RAB43: variants seen among roughly 807,000 people sequenced by gnomAD.
The protein encoded by RAB43 is ras-related protein Rab-43.
RAB43 carries 6 observed loss-of-function variants against 18.8 expected under a neutral mutation model. That is an observed-to-expected ratio of 0.32 (90% CI 0.17 to 0.63). The LOEUF is 0.63. Among genes scored for constraint, RAB43 ranks in the 30% least tolerant of loss-of-function variants. RAB43 has a pLI of 0.79. For missense variants in RAB43, 195 were observed against 289.1 expected (o/e 0.67, Z 2.36); for synonymous variants, 103 against 124.1 (o/e 0.83, Z 1.13).
At chr3:129,093,043 G>A (rs1356165502) in intron 2 of RAB43, among the ~76,000 whole-genome samples, 1 of 151,392 alleles carries the variant, frequency 6.6e-6, no homozygotes, top group South Asian at 2.1e-4. Flanking sequence ...TAGGCTGGAG[G>A]ACAGTGGCAC....
intron 1 of RAB43, among the ~76,000 whole-genome samples, chr3:129,105,717 T>C (rs1226802882): frequency 6.6e-6 from 1 of 150,742 alleles, no homozygotes; most frequent in Admixed American, 6.6e-5. Context: ...GAGGTGGAGG[T>C]TGCAGTGAGC....
chr3:129,101,316 A>G (rs1199720233), intron 1 of RAB43, among the ~76,000 whole-genome samples: 3 of 152,230 alleles, frequency 2.0e-5, no homozygotes, highest in Non-Finnish European at 4.4e-5. Context: ...AAAACATACT[A>G]GGCTGTGTAC....
At chr3:129,119,576 A>T (rs913270456) in intron 1 of RAB43, among the ~76,000 whole-genome samples, 15 of 152,272 alleles carry the variant, frequency 9.9e-5, no homozygotes, top group South Asian at 6.2e-4. Flanking sequence ...ACAGCCTCTC[A>T]AGAAGGTCAG....
intron 1 of RAB43, among the ~76,000 whole-genome samples, chr3:129,103,456 T>C (rs1934560884): frequency 6.6e-6 from 1 of 152,194 alleles, no homozygotes; most frequent in Non-Finnish European, 1.5e-5. Flanking sequence ...CTGCTGGCCA[T>C]TCCTGGAGTA....
intron 2 of RAB43, among the ~76,000 whole-genome samples, chr3:129,094,312 A>G (rs1933875364): frequency 6.6e-6 from 1 of 152,104 alleles, no homozygotes; most frequent in East Asian, 1.9e-4. Flanking sequence ...GCAAACTCAA[A>G]GCCTACATGT....
chr3:129,113,810 C>T (rs1007462193), intron 1 of RAB43, among the ~76,000 whole-genome samples: 1 of 152,090 alleles, frequency 6.6e-6, no homozygotes, highest in Non-Finnish European at 1.5e-5. Context: ...AGGCAGATCA[C>T]GAGGTCAAGG....
Position 129,089,470 on chromosome 3 carries a change from A to C in RAB43, c.*1626T>G. 1 of 56,966 alleles carries C rather than the reference A, an allele frequency of 1.8e-5. No homozygotes were observed. Among genetic ancestry groups the C allele is most frequent in the Non-Finnish European group, 3.4e-5 (1 of 29,000 alleles). 3.5% of individuals were successfully genotyped at this position (56,966 alleles called of 1,614,324 possible). ...GCGCCCCCCAATCTGATGCACCCAG[A>C]CTCCCCTCAATGCAGGTGCTAGCCC... is the stretch of plus-strand genomic sequence containing the variant. On this transcript the variant is annotated 3_prime_UTR_variant, in exon 3 of 3. Coordinates refer to ENST00000315150, the MANE Select transcript of RAB43 (RefSeq NM_198490.3).
chr3:129,118,466 C>T (rs978278168), intron 1 of RAB43, among the ~76,000 whole-genome samples: 2 of 152,100 alleles, frequency 1.3e-5, no homozygotes, highest in African/African-American at 4.8e-5. Context: ...CTAGTTAAAG[C>T]CCTTCTGACC....
rs1933967840 is a variant in RAB43 at position 129,095,298 on chromosome 3, A to T, written c.205-129T>A. 2 of 1,309,046 alleles carry T rather than the reference A, an allele frequency of 1.5e-6. No individual in the cohort carries two copies. The highest frequency in any genetic ancestry group is 3.0e-5 in the African/African-American group (2 of 67,130). 81.1% of individuals were successfully genotyped at this position (1,309,046 alleles called of 1,614,324 possible). A position where few individuals can be genotyped will look rare whatever the true frequency, so the allele number is the denominator to read the frequency against. The stretch of plus-strand genomic sequence containing the variant: ...CTAGGAGGCCTTCTGAGTCCTTAGA[A>T]AGCAACTCAATGGCTCAACCTTGTT... On this transcript the variant is annotated intron_variant, in intron 1 of 2. Coordinates refer to ENST00000315150, the MANE Select transcript of RAB43 (RefSeq NM_198490.3). This position sits in a 1 kb window ranked among gnomAD's most constrained non-coding sequence, Gnocchi z 4.2.
chr3:129,103,588 G>A (rs1483073211), intron 1 of RAB43, among the ~76,000 whole-genome samples: 1 of 148,422 alleles, frequency 6.7e-6, no homozygotes, highest in Non-Finnish European at 1.5e-5. Flanking sequence ...TTTTTTAGAT[G>A]AAGTCTCACT....
intron 1 of RAB43, among the ~76,000 whole-genome samples, chr3:129,113,506 ACT>A (rs1364362369): frequency 1.3e-5 from 2 of 151,822 alleles, no homozygotes; most frequent in African/African-American, 4.8e-5. Context: ...CTCTAGCCAC[ACT>A]CTGTTTTTGG....
At chr3:129,112,115 G>A (rs368899383) in intron 1 of RAB43, among the ~76,000 whole-genome samples, 1 of 151,972 alleles carries the variant, frequency 6.6e-6, no homozygotes. Flanking sequence ...TTAGCCGGGC[G>A]TGGTGGCGCA....
In RAB43 at chr3:129,107,570, G is replaced by A. The variant is rs982756370; in HGVS notation, c.205-12401C>T. Among the ~76,000 whole-genome samples, 2 of 152,144 alleles carry A rather than the reference G, an allele frequency of 1.3e-5. No homozygotes were observed. The highest frequency in any genetic ancestry group is 6.6e-5 in the Admixed American group (1 of 15,260). ...CGTGCAGGAGCTCGCGGTGGGCACC[G>A]CTCAGCTGGGGGGCCCATCAGGAAG... On this transcript the variant is annotated intron_variant, in intron 1 of 2. Transcript: ENST00000315150. The surrounding 1 kb of genome is among the most constrained non-coding windows in gnomAD (Gnocchi z 4.2).
At chr3:129,096,637 A>C (rs79121477) in intron 1 of RAB43, among the ~76,000 whole-genome samples, 1,582 of 152,362 alleles carry the variant, frequency 0.01, 33 homozygotes, top group African/African-American at 0.036. Context: ...AGAAATAGGG[A>C]AAGATTCATG....
chr3:129,088,014 AAAGG>A lies in RAB43; in HGVS notation c.*3078_*3081del, dbSNP rs1470524267. 6.6e-6 allele frequency: 1 copy of A among 151,482 alleles called. No homozygotes were observed. The highest frequency in any genetic ancestry group is 2.4e-5 in the African/African-American group (1 of 41,150). 9.4% of individuals were successfully genotyped at this position (151,482 alleles called of 1,614,324 possible). A position where few individuals can be genotyped will look rare whatever the true frequency, so the allele number is the denominator to read the frequency against. On this transcript the variant is annotated 3_prime_UTR_variant, in exon 3 of 3. Coordinates refer to ENST00000315150, the MANE Select transcript of RAB43 (RefSeq NM_198490.3). ...TCCCACTCTTTGGCAATTTATCAAC[AAAGG>A]AAGAGATGACACTGTTCTCCTTCCG...
intron 1 of RAB43, among the ~76,000 whole-genome samples, chr3:129,104,517 T>C (rs1043207836): frequency 6.6e-6 from 1 of 152,030 alleles, no homozygotes; most frequent in African/African-American, 2.4e-5. Context: ...GCTCCCAGAG[T>C]GTGTATGCTC....
At chr3:129,096,083 C>T (rs1396318807) in intron 1 of RAB43, among the ~76,000 whole-genome samples, 6 of 152,262 alleles carry the variant, frequency 3.9e-5, no homozygotes, top group Non-Finnish European at 4.4e-5. Flanking sequence ...TGACACCCAG[C>T]TTGTGGCGTG....
intron 1 of RAB43, among the ~76,000 whole-genome samples, chr3:129,109,614 G>A (rs1476782078): frequency 1.1e-4 from 16 of 150,990 alleles, no homozygotes; most frequent in East Asian, 2.0e-4. Context: ...GGTGGCGGGC[G>A]CCTGTAATCC....
At chr3:129,098,251 T>C (rs1442366729) in intron 1 of RAB43, among the ~76,000 whole-genome samples, 1 of 152,154 alleles carries the variant, frequency 6.6e-6, no homozygotes, top group Non-Finnish European at 1.5e-5. Flanking sequence ...TAGGCCTCCA[T>C]AGACCTGCCC....
Sources: allele counts gnomAD v4.1 joint callset (sites outside exome capture counted in the v4.1 genomes callset), GRCh38; gene constraint gnomAD v4.1.1; non-coding constraint Gnocchi (gnomAD v3.1); transcripts MANE v1.5; gene names NCBI Gene and HGNC (gene_info 2026-07-23, HGNC 2026-07-21).